Variants in COL4A6 observed in about 807,000 individuals in gnomAD.
The protein encoded by COL4A6 is collagen type IV alpha 6 chain.
In COL4A6, 59 loss-of-function variants were observed where a neutral mutation model predicts 126.7. The ratio of observed to expected loss-of-function variants is 0.47; its 90% confidence interval spans 0.38 to 0.58. The LOEUF (loss-of-function observed/expected upper bound fraction) is 0.58. Ranked by LOEUF, COL4A6 falls within the 20% of genes least tolerant of loss-of-function variation. COL4A6 has a pLI of 0.00. For synonymous variants in COL4A6, 547 were observed against 496.6 expected (o/e 1.10, Z -1.35); for missense variants, 1,285 against 1,337.3 (o/e 0.96, Z 0.61).
chrX:108,324,066 T>C (rs377024812), intron 2 of COL4A6, among the ~76,000 whole-genome samples: 23 of 112,397 alleles, frequency 2.0e-4, no homozygotes, highest in African/African-American at 7.4e-4. Flanking sequence ...TCATTACAAG[T>C]TGAAAACAAA....
chrX:108,368,841 T>C (rs1164991250), intron 2 of COL4A6, among the ~76,000 whole-genome samples: 1 of 111,276 alleles, frequency 9.0e-6, no homozygotes, highest in African/African-American at 3.3e-5. Flanking sequence ...ATCACTTTCT[T>C]CCACCTCCAC....
At chrX:108,437,298 T>A (rs1456033891) in intron 2 of COL4A6, among the ~76,000 whole-genome samples, 4 of 112,291 alleles carry the variant, frequency 3.6e-5, no homozygotes, top group Non-Finnish European at 5.6e-5. Context: ...GTTGATTTGA[T>A]AGATGACATC....
intron 24 of COL4A6, 135 bp from the exon 25 acceptor site, chrX:108,180,757 A>C: frequency 1.3e-6 from 1 of 798,683 alleles, no homozygotes; most frequent in Non-Finnish European, 1.8e-6. Context: ...CCTCTCCAGC[A>C]GCCATCCTGT....
intron 2 of COL4A6, among the ~76,000 whole-genome samples, chrX:108,385,203 T>C (rs1045865992): frequency 3.7e-5 from 4 of 109,457 alleles, no homozygotes; most frequent in African/African-American, 1.3e-4. Context: ...TTCTGTACAC[T>C]GGTAATGAAC....
At chrX:108,178,481 C>A (rs974414724) in intron 27 of COL4A6, among the ~76,000 whole-genome samples, 2 of 112,600 alleles carry the variant, frequency 1.8e-5, no homozygotes, top group Non-Finnish European at 3.8e-5. Flanking sequence ...TTTGTGGCAA[C>A]AGTTTGGAAG....
intron 2 of COL4A6, among the ~76,000 whole-genome samples, chrX:108,395,828 G>A (rs183571199): frequency 9.0e-6 from 1 of 111,558 alleles, no homozygotes; most frequent in South Asian, 3.8e-4. Context: ...AGGGGCTGAC[G>A]TCATTTTCTC....
chrX:108,294,402 T>G (rs2038256597), intron 3 of COL4A6, among the ~76,000 whole-genome samples: 1 of 87,476 alleles, frequency 1.1e-5, no homozygotes, highest in Non-Finnish European at 2.1e-5. Flanking sequence ...CAATTGTGTT[T>G]TTTTTTTTTT....
chrX:108,158,080 A>G (rs2033798838), intron 44 of COL4A6, among the ~76,000 whole-genome samples: 1 of 112,756 alleles, frequency 8.9e-6, no homozygotes, highest in South Asian at 3.7e-4. Context: ...TTTCCTGACA[A>G]CCGAAGCATC....
chrX:108,399,345 AT>A (rs2041037011), intron 2 of COL4A6, among the ~76,000 whole-genome samples: 1 of 111,402 alleles, frequency 9.0e-6, no homozygotes, highest in South Asian at 3.7e-4. Context: ...AGACTCTAAG[AT>A]TTTTTATTTT....
At chrX:108,439,302 T>A, upstream of COL4A6, 1 of 561,489 alleles carries the variant, frequency 1.8e-6, no homozygotes, top group Non-Finnish European at 2.7e-6. Context: ...TGCTCCCAGA[T>A]CTTATACGTA....
intron 2 of COL4A6, among the ~76,000 whole-genome samples, chrX:108,334,212 G>C (rs985601400): frequency 1.8e-5 from 2 of 111,150 alleles, no homozygotes; most frequent in Non-Finnish European, 3.8e-5. Context: ...ATAACACCTA[G>C]ACTAGTATTT....
intron 12 of COL4A6, among the ~76,000 whole-genome samples, chrX:108,203,574 A>G (rs999644927): frequency 8.9e-6 from 1 of 112,465 alleles, no homozygotes; most frequent in Non-Finnish European, 1.9e-5. Context: ...AGACAAATTT[A>G]AAGAAAGGAG....
chrX:108,297,796 T>G (rs771141890), intron 3 of COL4A6, among the ~76,000 whole-genome samples: 17 of 110,745 alleles, frequency 1.5e-4, no homozygotes, highest in Non-Finnish European at 3.2e-4. Flanking sequence ...TATTTTTGTT[T>G]GCACTGCAAT....
intron 3 of COL4A6, among the ~76,000 whole-genome samples, chrX:108,226,352 C>A (rs758929819): frequency 8.9e-6 from 1 of 111,920 alleles, no homozygotes; most frequent in South Asian, 3.8e-4. Flanking sequence ...CATTGAGCGA[C>A]CCTCTTTGGG....
chrX:108,317,242 C>T (rs1434626830), intron 2 of COL4A6, among the ~76,000 whole-genome samples: 1 of 112,127 alleles, frequency 8.9e-6, no homozygotes, highest in Non-Finnish European at 1.9e-5. Context: ...AAGAATGACT[C>T]CAAAGTTTCT....
chrX:108,221,139 C>G (rs1301971165), intron 4 of COL4A6, 101 bp downstream of exon 4: 1 of 1,101,204 alleles, frequency 9.1e-7, no homozygotes, highest in East Asian at 3.0e-5. Flanking sequence ...CCAAACTACT[C>G]AGGAATGACA....
chrX:108,347,009 A>G (rs2039723561), intron 2 of COL4A6, among the ~76,000 whole-genome samples: 1 of 112,097 alleles, frequency 8.9e-6, no homozygotes, highest in Non-Finnish European at 1.9e-5. Context: ...ATGCATTTGT[A>G]TGGTTATCAT....
At chrX:108,194,090 G>C (rs2035138439) in intron 16 of COL4A6, among the ~76,000 whole-genome samples, 1 of 112,524 alleles carries the variant, frequency 8.9e-6, no homozygotes, top group Admixed American at 9.4e-5. Context: ...GATGATGTCA[G>C]GCAGAGGAAA....
Position 108,310,129 on chromosome X carries a change from T to C in COL4A6, c.144+619A>G, listed in dbSNP as rs1603062178. Among the ~76,000 whole-genome samples the C allele has an allele frequency of 4.5e-5, 5 of 111,798 alleles. No homozygotes were observed. The South Asian group carries it at 1.9e-3, about 43-fold the overall frequency. On this transcript the variant is annotated intron_variant, in intron 3 of 44. Transcript: ENST00000334504. The stretch of plus-strand genomic sequence containing the variant: ...ATGCATATTCAGGGATTGATAGAAA[T>C]GTTGTGTCAATGACTGAGTTCATTG...
Sources: allele counts gnomAD v4.1 joint callset (sites outside exome capture counted in the v4.1 genomes callset), GRCh38; gene constraint gnomAD v4.1.1; transcripts MANE v1.5; gene names NCBI Gene and HGNC (gene_info 2026-07-23, HGNC 2026-07-21).